The following TRANK1 variants were observed in gnomAD, a reference collection of about 807,000 sequenced individuals.
TRANK1 encodes TPR and ankyrin repeat-containing protein 1.
In TRANK1, 198 loss-of-function variants were observed where a neutral mutation model predicts 266.0. That is an observed-to-expected ratio of 0.74 (90% CI 0.66 to 0.84). TRANK1 has a LOEUF of 0.84. Ranked by LOEUF, TRANK1 falls within the 40% of genes least tolerant of loss-of-function variation. The pLI, the probability that TRANK1 is intolerant of heterozygous loss-of-function variation, is 0.00. For synonymous variants in TRANK1, 1,396 were observed against 1,384.1 expected (o/e 1.01, Z -0.19); for missense variants, 3,326 against 3,634.6 (o/e 0.92, Z 2.18).
At chr3:36,908,644 T>C in intron 1 of TRANK1, 190 bp from the exon 2 acceptor site, 1 of 1,224,304 alleles carries the variant, frequency 8.2e-7, no homozygotes. Context: ...TATTTCTTTG[T>C]CAGTTCTTTT....
intron 1 of TRANK1, among the ~76,000 whole-genome samples, chr3:36,920,216 T>C (rs139161634): frequency 5.3e-5 from 8 of 152,380 alleles, no homozygotes; most frequent in South Asian, 4.1e-4. Flanking sequence ...TTATGTCAGA[T>C]ACTTGAAAGT....
intron 9 of TRANK1, among the ~76,000 whole-genome samples, chr3:36,868,591 A>C (rs1191296420): frequency 6.6e-6 from 1 of 152,188 alleles, no homozygotes. Context: ...ACATTTTATA[A>C]AAGAAAATAT....
Position 36,828,354 on chromosome 3 carries a change from T to C in TRANK1, c.8831A>G (p.Tyr2944Cys), listed in dbSNP as rs1292188329. Residue 2944 changes from tyrosine to cysteine, a missense_variant, in exon 24 of 24, where the codon TAT becomes TGT. Tyr to Cys is a radical substitution (Grantham distance 194). Coordinates refer to ENST00000645898, the MANE Select transcript of TRANK1 (RefSeq NM_001329998.2). ...KKEGIVQEDD[Y>C]ENEVEDFGEL... is the part of the protein sequence containing the mutation. The stretch of plus-strand genomic sequence containing the variant: ...ACCAAAGTCTTCAACTTCATTTTCA[T>C]AATCATCTTCCTGAACAATACCTGA... 2.6e-6 allele frequency: 4 copies of C among 1,536,516 alleles called. No individual in the cohort carries two copies. The highest frequency in any genetic ancestry group is 3.5e-6 in the Non-Finnish European group (4 of 1,133,296).
chr3:36,863,613 T>C (rs1339162367), intron 10 of TRANK1, among the ~76,000 whole-genome samples: 1 of 152,222 alleles, frequency 6.6e-6, no homozygotes. Context: ...AATTGTTCTA[T>C]ATTCATTATC....
intron 16 of TRANK1, among the ~76,000 whole-genome samples, 169 bp from the exon 17 acceptor site, chr3:36,846,573 G>T (rs4678911): frequency 0.36 from 54,319 of 152,076 alleles, 10,089 homozygotes; most frequent in African/African-American, 0.41. Context: ...CACAGCACAG[G>T]TAAGTGAGGC....
Position 36,857,285 on chromosome 3 carries a change from C to A in TRANK1, c.2437G>T (p.Asp813Tyr), listed in dbSNP as rs1346666946. The change falls in exon 13 of 24, where the codon GAT becomes TAT. Residue 813 changes from aspartate (D) to tyrosine (Y), a missense_variant. Transcript: ENST00000645898. This position sits in a 1 kb window ranked among gnomAD's most constrained non-coding sequence, Gnocchi z 4.3. ...TCCTGCGTGCTCCAGTCATCCTGATCATCATTGCCCTCCTTCCCCCTGTTA... is the reference window on the plus strand; with the variant it reads ...TCCTGCGTGCTCCAGTCATCCTGATAATCATTGCCCTCCTTCCCCCTGTTA... Reference protein sequence around the residue: ...DDNRGKEGNDDQDDWSTQEIE... With the variant: ...DDNRGKEGNDYQDDWSTQEIE... 27 of 1,609,970 alleles carry A rather than the reference C, an allele frequency of 1.7e-5. No individual in the cohort carries two copies. In the Admixed American group the frequency reaches 4.4e-4, roughly 26 times the overall value.
chr3:36,831,519 C>T lies in TRANK1; in HGVS notation c.8064G>A (p.Glu2688=). The T allele has an allele frequency of 3.7e-6, 6 of 1,613,446 alleles. No homozygotes were observed. The highest frequency in any genetic ancestry group is 4.2e-6 in the Non-Finnish European group (5 of 1,179,640). ...PVDYFAEPEC[E]FGQDEMDELA... ...GTTCATCCATCTCATCCTGGCCAAA[C>T]TCACACTCAGGTTCAGCAAAGTAGT... The change falls in exon 22 of 24, where the codon GAG becomes GAA. Residue 2688 remains glutamate (E), a synonymous_variant. Transcript: ENST00000645898. The surrounding 1 kb of genome is among the most constrained non-coding windows in gnomAD (Gnocchi z 5.0).
intron 9 of TRANK1, 130 bp downstream of exon 9, chr3:36,873,996 G>T: frequency 1.2e-5 from 8 of 685,846 alleles, no homozygotes; most frequent in Non-Finnish European, 1.7e-5. Flanking sequence ...TCCAAAGATT[G>T]GTAGGTCTCA....
chr3:36,910,559 A>T (rs2080037152), intron 1 of TRANK1, among the ~76,000 whole-genome samples: 1 of 147,266 alleles, frequency 6.8e-6, no homozygotes, highest in African/African-American at 2.5e-5. Flanking sequence ...GGCCAACATG[A>T]TGAAACGCCA....
Position 36,854,322 on chromosome 3 carries a change from T to C in TRANK1, c.4549+851A>G, listed in dbSNP as rs372422602. Among the ~76,000 whole-genome samples the C allele has an allele frequency of 1.9e-4, 29 of 151,144 alleles. No individual in the cohort carries two copies. In the South Asian group the frequency reaches 6.0e-3, roughly 31 times the overall value. ...TTGCAGTGAGCCGAGGTCACGCCAC[T>C]GCACTCCGGCCTGAGCAACAGAGCA... is the stretch of plus-strand genomic sequence containing the variant. On this transcript the variant is annotated intron_variant, in intron 13 of 23. Transcript: ENST00000645898.
intron 1 of TRANK1, among the ~76,000 whole-genome samples, chr3:36,944,530 C>G (rs919410331): frequency 1.6e-4 from 25 of 152,298 alleles, no homozygotes; most frequent in African/African-American, 5.3e-4. Flanking sequence ...GCAGGCCGCG[C>G]GCCGCCGCAG....
chr3:36,877,660 C>T (rs770690013), intron 8 of TRANK1, among the ~76,000 whole-genome samples: 2 of 152,162 alleles, frequency 1.3e-5, no homozygotes, highest in South Asian at 4.1e-4. Flanking sequence ...AAGCAAGTTG[C>T]TGAACAGAAT....
chr3:36,913,541 C>A (rs975952495), intron 1 of TRANK1, among the ~76,000 whole-genome samples: 7 of 151,980 alleles, frequency 4.6e-5, no homozygotes, highest in Non-Finnish European at 1.0e-4. Flanking sequence ...AAAAGTGACT[C>A]TTTCCTCTTC....
chr3:36,837,198 G>A (rs979383318), intron 20 of TRANK1, among the ~76,000 whole-genome samples: 4 of 152,186 alleles, frequency 2.6e-5, no homozygotes, highest in Non-Finnish European at 5.9e-5. Flanking sequence ...GGTGCCACAA[G>A]AGTGAAAGCT....
Position 36,831,219 on chromosome 3 carries a change from T to C in TRANK1, c.8364A>G (p.Lys2788=). The change falls in exon 22 of 24, where the codon AAA becomes AAG. Residue 2788 remains lysine, a synonymous_variant. Transcript: ENST00000645898. This position sits in a 1 kb window ranked among gnomAD's most constrained non-coding sequence, Gnocchi z 5.0. Reference sequence around the variant, plus strand: ...CCTCGGAAGCTGCCCCCTCAAACGCTTTGCTGGGGCTGAAATAGTTCTCTG... The same window carrying C: ...CCTCGGAAGCTGCCCCCTCAAACGCCTTGCTGGGGCTGAAATAGTTCTCTG... ...RGPENYFSPS[K]AFEGAASEVA... is the part of the protein sequence containing the mutation. 1 of 1,613,784 alleles carries C rather than the reference T, an allele frequency of 6.2e-7. No homozygotes were observed. Among genetic ancestry groups the C allele is most frequent in the Non-Finnish European group, 8.5e-7 (1 of 1,179,872 alleles).
intron 1 of TRANK1, among the ~76,000 whole-genome samples, chr3:36,944,522 A>C (rs1329835509): frequency 1.3e-5 from 2 of 152,266 alleles, no homozygotes; most frequent in Middle Eastern, 3.4e-3. Context: ...GGAGCTAGGC[A>C]GGCCGCGCGC....
rs2080002424 is a variant in TRANK1, at chr3:36,908,267, G to A, written c.155+56C>T. On this transcript the variant is annotated intron_variant, in intron 2 of 23. Transcript: ENST00000645898. ...ATAAGAAATGAAAAGAAATCATAAGGAACAGAGTCCCATGTACTGAAAAAG... is the reference window on the plus strand; with the variant it reads ...ATAAGAAATGAAAAGAAATCATAAGAAACAGAGTCCCATGTACTGAAAAAG... 4 of 1,231,006 alleles carry A rather than the reference G, an allele frequency of 3.2e-6. No homozygotes were observed. The African/African-American group carries it at 4.7e-5, about 14-fold the overall frequency. The allele number at this position is 1,231,006 out of a possible 1,614,324, so 76.3% of individuals were successfully genotyped here. A position where few individuals can be genotyped will look rare whatever the true frequency, so the allele number is the denominator to read the frequency against.
chr3:36,886,932 A>G, intron 8 of TRANK1, among the ~76,000 whole-genome samples: 1 of 136,862 alleles, frequency 7.3e-6, no homozygotes. Context: ...TTTGAGACAG[A>G]GTCTCGCTCT....
chr3:36,939,710 A>C (rs2080470548), intron 1 of TRANK1, among the ~76,000 whole-genome samples: 2 of 152,208 alleles, frequency 1.3e-5, no homozygotes, highest in South Asian at 4.1e-4. Flanking sequence ...AGCAATAACA[A>C]AAAACACTGC....
Sources: gnomAD v4.1 joint callset for allele counts (sites outside exome capture counted in the v4.1 genomes callset) on GRCh38, gnomAD v4.1.1 for gene constraint, Gnocchi (gnomAD v3.1) non-coding constraint, MANE v1.5 for transcripts, NCBI Gene and HGNC (gene_info 2026-07-23, HGNC 2026-07-21) for gene names.